Variants in ADGRV1 observed in about 807,000 individuals in gnomAD.
ADGRV1 encodes G-protein coupled receptor 98.
A neutral mutation model predicts 596.2 loss-of-function variants in ADGRV1; 359 were observed. The ratio of observed to expected loss-of-function variants is 0.60; its 90% CI spans 0.55 to 0.66. ADGRV1 has a LOEUF of 0.66. Ranked by LOEUF, ADGRV1 falls within the 30% of genes least tolerant of loss-of-function variation. The probability of loss-of-function intolerance (pLI) is 0.00; values close to 1 mark genes in which losing one functional copy is unlikely to be tolerated. For missense variants in ADGRV1, 7,274 were observed against 7,575.6 expected (o/e 0.96, Z 1.48); for synonymous variants, 2,681 against 2,679.2 (o/e 1.00, Z -0.02).
chr5:91,048,490 A>G (rs1786028532), intron 85 of ADGRV1, among the ~76,000 whole-genome samples: 1 of 152,180 alleles, frequency 6.6e-6, no homozygotes, highest in Non-Finnish European at 1.5e-5. Flanking sequence ...AAGAGGGTCA[A>G]AACCAGAACT....
chr5:91,004,130 T>A (rs548533208), intron 85 of ADGRV1, among the ~76,000 whole-genome samples: 1 of 152,094 alleles, frequency 6.6e-6, no homozygotes, highest in African/African-American at 2.4e-5. Flanking sequence ...AATAGAATAT[T>A]TGGGGATGGG....
intron 89 of ADGRV1, among the ~76,000 whole-genome samples, chr5:91,163,215 C>G (rs1160723241): frequency 1.3e-5 from 2 of 152,158 alleles, no homozygotes; most frequent in African/African-American, 2.4e-5. Flanking sequence ...CTGTGTGGAT[C>G]TATTTTGGCA....
intron 5 of ADGRV1, among the ~76,000 whole-genome samples, chr5:90,624,136 A>T (rs1764439929): frequency 6.6e-6 from 1 of 152,214 alleles, no homozygotes; most frequent in East Asian, 1.9e-4. Flanking sequence ...TCCACATCAT[A>T]TGGTAGTTAT....
chr5:90,781,656 A>G, intron 65 of ADGRV1, 78 bp downstream of exon 65: 1 of 1,413,984 alleles, frequency 7.1e-7, no homozygotes, highest in Non-Finnish European at 9.6e-7. Context: ...CCGTGTGTAA[A>G]TTGTTTTAGT....
chr5:90,583,438 A>G (rs1484091895), intron 1 of ADGRV1, among the ~76,000 whole-genome samples: 1 of 152,118 alleles, frequency 6.6e-6, no homozygotes, highest in African/African-American at 2.4e-5. Flanking sequence ...AACTTGTTTT[A>G]TAATGATTTT....
At chr5:90,669,085 T>A (rs745679025) in intron 21 of ADGRV1, among the ~76,000 whole-genome samples, 1 of 152,192 alleles carries the variant, frequency 6.6e-6, no homozygotes, top group Non-Finnish European at 1.5e-5. Flanking sequence ...TCATGAGATG[T>A]TACGATCCCC....
intron 83 of ADGRV1, among the ~76,000 whole-genome samples, chr5:90,910,965 G>A (rs938171268): frequency 2.6e-5 from 4 of 152,072 alleles, no homozygotes; most frequent in African/African-American, 9.7e-5. Context: ...TTTGAACCTT[G>A]AAACACCAGA....
chr5:90,584,726 A>G (rs946188138), intron 1 of ADGRV1, among the ~76,000 whole-genome samples: 3 of 152,250 alleles, frequency 2.0e-5, no homozygotes, highest in African/African-American at 7.2e-5. Flanking sequence ...GCAAGAGACC[A>G]GAAGTGGATG....
Position 91,153,375 on chromosome 5 carries a change from A to C in ADGRV1, c.18779A>C (p.Asp6260Ala). The change falls in exon 89 of 90, where the codon GAT becomes GCT. Residue 6260 changes from aspartate to alanine, a missense_variant. By Grantham distance (126) the Asp-to-Ala change is moderately radical. Coordinates refer to ENST00000405460, the MANE Select transcript of ADGRV1 (RefSeq NM_032119.4). ...IADEESQEFD[D>A]LIFALKTGAG... ...GATGAGGAGTCCCAGGAGTTTGATGATTTAATATTTGCATTAAAAACTGGT... is the reference window on the plus strand; with the variant it reads ...GATGAGGAGTCCCAGGAGTTTGATGCTTTAATATTTGCATTAAAAACTGGT... 6.2e-7 allele frequency: 1 copy of C among 1,605,928 alleles called. No individual in the cohort carries two copies. Among genetic ancestry groups the C allele is most frequent in the Non-Finnish European group, 8.5e-7 (1 of 1,175,744 alleles).
chr5:90,941,694 T>C (rs546266172), intron 83 of ADGRV1, among the ~76,000 whole-genome samples: 1 of 152,312 alleles, frequency 6.6e-6, no homozygotes, highest in South Asian at 2.1e-4. Flanking sequence ...TCAGCAACTT[T>C]AGGGTAGATT....
Position 90,694,622 on chromosome 5 carries a change from C to T in ADGRV1, c.7866C>T (p.Val2622=), listed in dbSNP as rs756284324. The stretch of plus-strand genomic sequence containing the variant: ...GGGGCAGCTTAGGTCAAGTGGCAGT[C>T]GAATGGCGTGTTGTTGGTGGAACAG... ...RTGGSLGQVA[V]EWRVVGGTAT... Residue 2622 remains valine, a synonymous_variant, in exon 33 of 90, where the codon GTC becomes GTT. Transcript: ENST00000405460. 8.1e-6 allele frequency: 13 copies of T among 1,613,536 alleles called. No individual in the cohort carries two copies. The highest frequency in any genetic ancestry group is 4.5e-5 in the East Asian group (2 of 44,888).
At chr5:90,654,139 A>G in intron 20 of ADGRV1, 187 bp downstream of exon 20, 2 of 662,526 alleles carry the variant, frequency 3.0e-6, no homozygotes, top group East Asian at 2.8e-5. Context: ...TGTTACAGAA[A>G]TGAATCAGAG....
chr5:91,137,316 C>T (rs896565022), intron 87 of ADGRV1, among the ~76,000 whole-genome samples: 1 of 152,078 alleles, frequency 6.6e-6, no homozygotes, highest in African/African-American at 2.4e-5. Context: ...AACTTACTTG[C>T]TCTTGATAAA....
At chr5:90,866,339 GTGTGTA>G (rs1488512373) in intron 83 of ADGRV1, among the ~76,000 whole-genome samples, 1 of 151,660 alleles carries the variant, frequency 6.6e-6, no homozygotes, top group African/African-American at 2.4e-5. Context: ...GTGTGTGTGT[GTGTGTA>G]TTTTCTTGAT....
intron 17 of ADGRV1, among the ~76,000 whole-genome samples, chr5:90,649,216 A>G (rs1368891198): frequency 6.6e-6 from 1 of 151,896 alleles, no homozygotes; most frequent in Non-Finnish European, 1.5e-5. Flanking sequence ...GTTAGCCAGG[A>G]TGGTCTTGAT....
chr5:90,986,861 G>A (rs887084348), intron 85 of ADGRV1, among the ~76,000 whole-genome samples: 15 of 152,008 alleles, frequency 9.9e-5, no homozygotes, highest in African/African-American at 3.4e-4. Context: ...AAGTAACCAC[G>A]AAGCAAGCCG....
rs751556066 is a variant in ADGRV1, at chr5:90,810,691, T to C, written c.15431T>C (p.Val5144Ala). 6 of 1,613,792 alleles carry C rather than the reference T, an allele frequency of 3.7e-6. No homozygotes were observed. Among genetic ancestry groups the C allele is most frequent in the Middle Eastern group, 1.6e-4 (1 of 6,062 alleles). Reference protein sequence around the residue: ...DISFPETTVAVAVDTTLIPVE... With the variant: ...DISFPETTVAAAVDTTLIPVE... ...TCCTTCCCCGAGACAACTGTGGCTG[T>C]AGCAGTTGACACAACTCTCATTCCT... is the stretch of plus-strand genomic sequence containing the variant. The change falls in exon 74 of 90, where the codon GTA (valine) becomes GCA (alanine). Residue 5144 changes from valine (V) to alanine (A), a missense_variant. Around this residue, in one of 5 missense-constraint regions of ADGRV1, gnomAD observed 1,874 missense variants for 1,970.2 expected, o/e 0.95. Transcript: ENST00000405460.
At chr5:90,665,964 C>T (rs2149509544) in intron 21 of ADGRV1, among the ~76,000 whole-genome samples, 1 of 150,146 alleles carries the variant, frequency 6.7e-6, no homozygotes, top group African/African-American at 2.5e-5. Context: ...TTTGATTGCA[C>T]TGTGGTCTGA....
intron 21 of ADGRV1, among the ~76,000 whole-genome samples, chr5:90,660,031 A>G (rs952936008): frequency 2.0e-5 from 3 of 151,320 alleles, no homozygotes; most frequent in African/African-American, 7.3e-5. Context: ...TCTGTCTCAG[A>G]GAAAAAAAAA....
Sources: allele counts gnomAD v4.1 joint callset (sites outside exome capture counted in the v4.1 genomes callset), GRCh38; gene constraint gnomAD v4.1.1; regional missense constraint gnomAD v4.1.1; transcripts MANE v1.5; gene names NCBI Gene and HGNC (gene_info 2026-07-23, HGNC 2026-07-21).